The following SLC26A7 variants were observed in gnomAD, a reference collection of about 807,000 sequenced individuals.
The protein encoded by SLC26A7 is anion exchange transporter.
A neutral mutation model predicts 82.5 loss-of-function variants in SLC26A7; 59 were observed. That is an observed-to-expected ratio of 0.72 (90% CI 0.58 to 0.89). SLC26A7 has a LOEUF of 0.89. Among genes scored for constraint, SLC26A7 ranks in the 40% least tolerant of loss-of-function variants. The probability of loss-of-function intolerance (pLI) is 0.00; values close to 1 mark genes in which losing one functional copy is unlikely to be tolerated. For synonymous variants in SLC26A7, 271 were observed against 274.3 expected (o/e 0.99, Z 0.12); for missense variants, 820 against 793.0 (o/e 1.03, Z -0.41).
chr8:91,328,003 A>G lies in SLC26A7; in HGVS notation c.643-6292A>G, dbSNP rs141080739. Among the ~76,000 whole-genome samples the G allele has an allele frequency of 1.5e-3, 224 of 152,238 alleles. 2 individuals carry two copies. The highest frequency in any genetic ancestry group is 5.3e-3 in the African/African-American group (221 of 41,560). ...TTTTTCTCATGTATATTTTATTACA[A>G]CAAAACCTAAACCAACCAGAATGCA... On this transcript the variant is annotated intron_variant, in intron 5 of 18. Transcript: ENST00000276609.
At chr8:91,333,114 A>G (rs1813140094) in intron 5 of SLC26A7, among the ~76,000 whole-genome samples, 1 of 152,140 alleles carries the variant, frequency 6.6e-6, no homozygotes, top group African/African-American at 2.4e-5. Context: ...TTTTTGTGCT[A>G]GTCGATTTAG....
rs781597823 is a variant in SLC26A7, at chr8:91,295,584, C to G, written c.358C>G (p.Pro120Ala). 1.2e-6 allele frequency: 2 copies of G among 1,613,988 alleles called. No homozygotes were observed. The highest frequency in any genetic ancestry group is 2.2e-5 in the East Asian group (1 of 44,874). The change falls in exon 4 of 19, where the codon CCT becomes GCT. Residue 120 changes from proline to alanine, a missense_variant. Coordinates refer to ENST00000276609, the MANE Select transcript of SLC26A7 (RefSeq NM_052832.4). ...AGCCAACGCCGTGGAACGGATTGTC[C>G]CTCAGAACATGCAGAATCTCACCAC... ...ISANAVERIV[P>A]QNMQNLTTQS...
At chr8:91,340,326 C>A in intron 7 of SLC26A7, 78 bp from the exon 8 acceptor site, 3 of 1,534,272 alleles carry the variant, frequency 2.0e-6, no homozygotes, top group East Asian at 2.3e-5. Context: ...AGAGTCATTG[C>A]CACAGTTAAA....
chr8:91,288,464 G>C (rs1292841535), intron 2 of SLC26A7, among the ~76,000 whole-genome samples: 2 of 152,132 alleles, frequency 1.3e-5, no homozygotes, highest in African/African-American at 4.8e-5. Flanking sequence ...GTAGGCAATA[G>C]TCTTTACAAG....
intron 2 of SLC26A7, among the ~76,000 whole-genome samples, chr8:91,271,836 C>T (rs1306309346): frequency 2.6e-5 from 4 of 152,078 alleles, no homozygotes; most frequent in African/African-American, 7.2e-5. Flanking sequence ...CCTTGTGATC[C>T]GCCTGCCTCG....
At chr8:91,286,156 G>C (rs1251828510) in intron 2 of SLC26A7, among the ~76,000 whole-genome samples, 1 of 152,138 alleles carries the variant, frequency 6.6e-6, no homozygotes, top group Non-Finnish European at 1.5e-5. Flanking sequence ...TCTTGGTCTG[G>C]GGTCAGGCAC....
intron 13 of SLC26A7, 31 bp downstream of exon 13, chr8:91,363,569 A>C (rs1315349149): frequency 8.0e-7 from 1 of 1,243,500 alleles, no homozygotes; most frequent in African/African-American, 1.5e-5. Flanking sequence ...CCTTTATGCA[A>C]TTGTTAATCA....
intron 2 of SLC26A7, among the ~76,000 whole-genome samples, chr8:91,278,515 G>A (rs1353745920): frequency 6.6e-6 from 1 of 152,112 alleles, no homozygotes; most frequent in African/African-American, 2.4e-5. Flanking sequence ...TATTATAGAA[G>A]TATATCACGA....
At chr8:91,223,982 G>T (rs971012515) in intron 2 of SLC26A7, among the ~76,000 whole-genome samples, 4 of 151,688 alleles carry the variant, frequency 2.6e-5, no homozygotes, top group Non-Finnish European at 5.9e-5. Flanking sequence ...GTTGATACTT[G>T]TGTATGCTTT....
upstream of SLC26A7, among the ~76,000 whole-genome samples, chr8:91,246,679 GT>G (rs1290575542): frequency 2.0e-5 from 3 of 148,874 alleles, no homozygotes; most frequent in Admixed American, 6.7e-5. Context: ...CGGCCTGGGA[GT>G]TAAGAGCGAG....
At chr8:91,358,840 C>G (rs1172414965) in intron 11 of SLC26A7, among the ~76,000 whole-genome samples, 1 of 152,058 alleles carries the variant, frequency 6.6e-6, no homozygotes, top group Non-Finnish European at 1.5e-5. Flanking sequence ...GACAAAAAAC[C>G]AAACACCACA....
intron 2 of SLC26A7, among the ~76,000 whole-genome samples, chr8:91,284,398 T>C (rs952402617): frequency 9.2e-5 from 14 of 152,218 alleles, no homozygotes; most frequent in Non-Finnish European, 4.4e-5. Context: ...ATTTTCTTTC[T>C]TGTGCACCAG....
Position 91,352,540 on chromosome 8 carries a change from T to C in SLC26A7, c.1219-361T>C, listed in dbSNP as rs1813745489. ...TTTAAGGCAATTATAAGAAAATATA[T>C]GATATACATATTTAATTTCATGCAA... On this transcript the variant is annotated intron_variant, in intron 10 of 18. Transcript: ENST00000276609. Among the ~76,000 whole-genome samples the C allele has an allele frequency of 3.9e-5, 6 of 152,138 alleles. No homozygotes were observed. In the South Asian group the frequency reaches 1.2e-3, roughly 31 times the overall value.
intron 9 of SLC26A7, among the ~76,000 whole-genome samples, chr8:91,347,888 T>G (rs1813608087): frequency 6.6e-6 from 1 of 152,222 alleles, no homozygotes; most frequent in Non-Finnish European, 1.5e-5. Context: ...ACAAAAAAAT[T>G]ACATTTCTTC....
chr8:91,249,748 C>A lies in SLC26A7; in HGVS notation c.97C>A (p.Pro33Thr), dbSNP rs1314773572. The change falls in exon 2 of 19, where the codon CCC becomes ACC. Residue 33 changes from proline to threonine, a missense_variant. By Grantham distance (38) the Pro-to-Thr change is conservative. Coordinates refer to ENST00000276609, the MANE Select transcript of SLC26A7 (RefSeq NM_052832.4). Reference protein sequence around the residue: ...DIIQWCRRRLPILDWAPHYNL... With the variant: ...DIIQWCRRRLTILDWAPHYNL... ...TATACAGTGGTGTAGAAGGCGACTG[C>A]CCATTTTGGATTGGGCACCACATTA... 4.3e-6 allele frequency: 7 copies of A among 1,612,428 alleles called. No homozygotes were observed. Among genetic ancestry groups the A allele is most frequent in the Middle Eastern group, 1.7e-4 (1 of 6,056 alleles).
upstream of SLC26A7, among the ~76,000 whole-genome samples, chr8:91,244,405 CTT>C (rs1024968409): frequency 1.2e-4 from 17 of 146,956 alleles, no homozygotes; most frequent in African/African-American, 4.0e-4. Context: ...TCTTTTCATT[CTT>C]TTTTTATGAT....
chr8:91,330,939 C>G (rs1019761935), intron 5 of SLC26A7, among the ~76,000 whole-genome samples: 5 of 152,068 alleles, frequency 3.3e-5, no homozygotes, highest in African/African-American at 1.2e-4. Context: ...GTCCTGGAGA[C>G]TGTAATCAAG....
intron 2 of SLC26A7, among the ~76,000 whole-genome samples, chr8:91,220,165 G>A (rs1449192393): frequency 6.6e-6 from 1 of 151,876 alleles, no homozygotes; most frequent in Admixed American, 6.6e-5. Context: ...ACAGAGATGG[G>A]GCCTCAAGGT....
intron 15 of SLC26A7, among the ~76,000 whole-genome samples, chr8:91,375,256 G>A (rs1163045169): frequency 1.3e-5 from 2 of 150,924 alleles, no homozygotes; most frequent in Admixed American, 1.3e-4. Flanking sequence ...ATATTGATTT[G>A]TGAGGTTTTG....
Sources: allele counts gnomAD v4.1 joint callset (sites outside exome capture counted in the v4.1 genomes callset), GRCh38; gene constraint gnomAD v4.1.1; transcripts MANE v1.5; gene names NCBI Gene and HGNC (gene_info 2026-07-23, HGNC 2026-07-21).